The following PREP variants were observed in gnomAD, a reference collection of about 807,000 sequenced individuals.
PREP encodes the protein dJ355L5.1 (prolyl endopeptidase).
PREP carries 29 observed loss-of-function variants against 87.6 expected under a neutral mutation model. The ratio of observed to expected loss-of-function variants is 0.33; its 90% CI spans 0.25 to 0.45. The LOEUF is 0.45. PREP is among the 20% of genes least tolerant of loss of function. The probability of loss-of-function intolerance (pLI) is 1.00; values close to 1 mark genes in which losing one functional copy is unlikely to be tolerated. For synonymous variants in PREP, 337 were observed against 328.6 expected (o/e 1.03, Z -0.28); for missense variants, 695 against 886.5 (o/e 0.78, Z 2.74).
In PREP at chr6:105,399,551, C is replaced by T. The variant is rs534546693; in HGVS notation, c.46-1624G>A. Among the ~76,000 whole-genome samples the T allele has an allele frequency of 4.0e-4, 61 of 152,238 alleles. 1 individual carries two copies. Among genetic ancestry groups the T allele is most frequent in the Non-Finnish European group, 7.1e-4 (48 of 68,004 alleles). On this transcript the variant is annotated intron_variant, in intron 1 of 14. Transcript: ENST00000652536. ...CAAGGAACATAAAACCCGACTAAAG[C>T]CTCTCCAGATGGGTCTTCATAAAGT...
rs373866033 is a variant in PREP, at chr6:105,382,135, C to T, written c.121-4616G>A. ...CACAGAAGCAGTAAAATGGTGTTTACCAGAGGCGGGGGTTGGGGGAGATGT... is the reference window on the plus strand; with the variant it reads ...CACAGAAGCAGTAAAATGGTGTTTATCAGAGGCGGGGGTTGGGGGAGATGT... On this transcript the variant is annotated intron_variant, in intron 2 of 14. Coordinates refer to ENST00000652536, the MANE Select transcript of PREP (RefSeq NM_002726.5). Among the ~76,000 whole-genome samples, 6 of 151,942 alleles carry T rather than the reference C, an allele frequency of 3.9e-5. No homozygotes were observed. The South Asian group carries it at 1.0e-3, about 26-fold the overall frequency.
At chr6:105,295,954 T>C (rs1770399912) in intron 10 of PREP, among the ~76,000 whole-genome samples, 2 of 152,360 alleles carry the variant, frequency 1.3e-5, no homozygotes, top group Middle Eastern at 3.4e-3. Flanking sequence ...AAATTCCTTT[T>C]AGATAAATCT....
At chr6:105,365,888 T>C (rs1772369695) in intron 6 of PREP, among the ~76,000 whole-genome samples, 2 of 152,170 alleles carry the variant, frequency 1.3e-5, no homozygotes, top group African/African-American at 4.8e-5. Flanking sequence ...GCTTTTTTTT[T>C]TTTTTAAACA....
At chr6:105,296,694 C>T (rs1770419637) in intron 10 of PREP, among the ~76,000 whole-genome samples, 1 of 152,146 alleles carries the variant, frequency 6.6e-6, no homozygotes, top group Non-Finnish European at 1.5e-5. Flanking sequence ...AGGTCTCATC[C>T]CTTTCAATCC....
At chr6:105,290,236 G>GTAC (rs1483003171) in intron 10 of PREP, among the ~76,000 whole-genome samples, 2 of 152,132 alleles carry the variant, frequency 1.3e-5, no homozygotes, top group East Asian at 3.9e-4. Flanking sequence ...AACTGTGTGG[G>GTAC]TAGGTACAAG....
At chr6:105,282,929 G>GAACTT (rs1257403005) in intron 12 of PREP, among the ~76,000 whole-genome samples, 3 of 152,230 alleles carry the variant, frequency 2.0e-5, no homozygotes, top group African/African-American at 7.2e-5. Context: ...TTGGGAAGCT[G>GAACTT]AACTTACAAA....
At chr6:105,288,403 C>T (rs61314735) in intron 11 of PREP, among the ~76,000 whole-genome samples, 2,761 of 152,218 alleles carry the variant, frequency 0.018, 89 homozygotes, top group African/African-American at 0.064. Flanking sequence ...TAGGCTGGAG[C>T]GCAGTGGCGT....
chr6:105,307,452 A>G (rs1195289230), intron 10 of PREP, among the ~76,000 whole-genome samples: 1 of 152,140 alleles, frequency 6.6e-6, no homozygotes, highest in African/African-American at 2.4e-5. Context: ...ATTGCTGGAA[A>G]TGCTTGATTG....
At chr6:105,343,480 G>A (rs1771716013) in intron 7 of PREP, among the ~76,000 whole-genome samples, 1 of 152,180 alleles carries the variant, frequency 6.6e-6, no homozygotes. Flanking sequence ...AGGACTTCAT[G>A]ACTAAAGCAC....
intron 2 of PREP, among the ~76,000 whole-genome samples, chr6:105,397,139 C>A (rs941660475): frequency 6.9e-6 from 1 of 145,016 alleles, no homozygotes; most frequent in Non-Finnish European, 1.5e-5. Context: ...GAGCCAAGAT[C>A]GCACCAGTGC....
rs1056272722 is a variant in PREP at position 105,274,647 on chromosome 6, A to C, written c.*3497T>G. On this transcript the variant is annotated 3_prime_UTR_variant, in exon 15 of 15. Coordinates refer to ENST00000652536, the MANE Select transcript of PREP (RefSeq NM_002726.5). ...GCCGGGAATGATGGTATGCGCCTGT[A>C]ATACCAGCTACTGGGAAGGCTGAGG... Among the ~76,000 whole-genome samples the C allele has an allele frequency of 1.3e-5, 2 of 152,168 alleles. No homozygotes were observed. The highest frequency in any genetic ancestry group is 4.8e-5 in the African/African-American group (2 of 41,442).
intron 2 of PREP, among the ~76,000 whole-genome samples, chr6:105,381,773 G>A (rs1772844695): frequency 6.6e-6 from 1 of 152,290 alleles, no homozygotes; most frequent in African/African-American, 2.4e-5. Context: ...CTTCAGTTAT[G>A]CAAGATCATT....
rs1771980139 is a variant in PREP, at chr6:105,352,336, A to G, written c.823+636T>C. Reference sequence around the variant, plus strand: ...ATGGTGGAAGAGAACAACATTTAAAATAAGCCATCTCCAGAATTTGTAACT... The same window carrying G: ...ATGGTGGAAGAGAACAACATTTAAAGTAAGCCATCTCCAGAATTTGTAACT... On this transcript the variant is annotated intron_variant, in intron 7 of 14. Coordinates refer to ENST00000652536, the MANE Select transcript of PREP (RefSeq NM_002726.5). Among the ~76,000 whole-genome samples the G allele has an allele frequency of 2.6e-5, 4 of 152,300 alleles. No homozygotes were observed. The South Asian group carries it at 8.3e-4, about 32-fold the overall frequency.
chr6:105,339,018 T>C (rs1466885563), intron 7 of PREP, among the ~76,000 whole-genome samples: 1 of 152,216 alleles, frequency 6.6e-6, no homozygotes, highest in Non-Finnish European at 1.5e-5. Flanking sequence ...CCCTGTCTGA[T>C]AGCTTTGAAG....
chr6:105,359,324 G>A (rs1049905536), intron 6 of PREP, among the ~76,000 whole-genome samples: 1 of 152,216 alleles, frequency 6.6e-6, no homozygotes, highest in Admixed American at 6.5e-5. Context: ...TATGATGTGA[G>A]TGCCAGAGAG....
intron 6 of PREP, among the ~76,000 whole-genome samples, chr6:105,358,322 C>T (rs1335582425): frequency 1.3e-5 from 2 of 152,252 alleles, no homozygotes; most frequent in East Asian, 3.9e-4. Context: ...TTATTACTGT[C>T]AATTTTTAAT....
At position 105,381,369 on chromosome 6, in the gene PREP, T is replaced by C. The variant is rs189476480; in HGVS notation, c.121-3850A>G. The stretch of plus-strand genomic sequence containing the variant: ...ATATTTTAACCAGGGAAATGCCTTC[T>C]TGGTCATTTATGTATTTAACAGGTA... On this transcript the variant is annotated intron_variant, in intron 2 of 14. Coordinates refer to ENST00000652536, the MANE Select transcript of PREP (RefSeq NM_002726.5). Among the ~76,000 whole-genome samples, 471 of 152,314 alleles carry C rather than the reference T, an allele frequency of 3.1e-3. 6 individuals are homozygous for C. Among genetic ancestry groups the C allele is most frequent in the Non-Finnish European group, 6.1e-3 (414 of 68,022 alleles).
intron 6 of PREP, among the ~76,000 whole-genome samples, chr6:105,363,860 A>C (rs1372244706): frequency 6.6e-6 from 1 of 152,130 alleles, no homozygotes; most frequent in Non-Finnish European, 1.5e-5. Flanking sequence ...GTGGTGCAAA[A>C]GGGCAGCCAG....
At chr6:105,303,626 T>C (rs962498441) in intron 10 of PREP, among the ~76,000 whole-genome samples, 5 of 152,208 alleles carry the variant, frequency 3.3e-5, no homozygotes, top group Non-Finnish European at 5.9e-5. Flanking sequence ...GGTTCATCCT[T>C]TGCTTAAATA....
Sources: gnomAD v4.1 joint callset for allele counts (sites outside exome capture counted in the v4.1 genomes callset) on GRCh38, gnomAD v4.1.1 for gene constraint, MANE v1.5 for transcripts, NCBI Gene and HGNC (gene_info 2026-07-23, HGNC 2026-07-21) for gene names.